C2CD3: variants seen among roughly 807,000 people sequenced by gnomAD.
C2CD3 encodes C2 domain-containing protein 3.
In C2CD3, 148 loss-of-function variants were observed where a neutral mutation model predicts 234.0. The observed-to-expected ratio is 0.63, with a 90% CI of 0.55 to 0.72. The LOEUF is 0.72. Ranked by LOEUF, C2CD3 falls within the 30% of genes least tolerant of loss-of-function variation. C2CD3 has a pLI of 0.00. For missense variants in C2CD3, 2,577 were observed against 2,811.5 expected (o/e 0.92, Z 1.89); for synonymous variants, 1,000 against 1,035.4 (o/e 0.97, Z 0.66).
Position 74,074,525 on chromosome 11 carries a change from G to C in C2CD3, c.4679C>G (p.Ser1560Cys), listed in dbSNP as rs756063516. The C allele has an allele frequency of 1.1e-5, 17 of 1,614,212 alleles. No individual in the cohort carries two copies. Among genetic ancestry groups the C allele is most frequent in the Admixed American group, 8.3e-5 (5 of 60,032 alleles). ...AGTGGGCTCAAGGTGTGAGGAAAGA[G>C]AGGAAAGAACCACATGAACTCGCAA... ...AALRVHVVLS[S>C]LSSHLEPTHE... is the part of the protein sequence containing the mutation. Residue 1560 changes from serine (S) to cysteine (C), a missense_variant, in exon 24 of 33, where the codon TCT (serine) becomes TGT (cysteine). Transcript: ENST00000334126.
At chr11:74,071,810 A>G (rs963973998) in intron 24 of C2CD3, among the ~76,000 whole-genome samples, 2 of 152,232 alleles carry the variant, frequency 1.3e-5, no homozygotes, top group Admixed American at 1.3e-4. Context: ...TAATTAATGT[A>G]CAAAGACTAG....
intron 32 of C2CD3, among the ~76,000 whole-genome samples, chr11:74,018,300 G>C (rs1035499287): frequency 1.3e-5 from 2 of 152,126 alleles, no homozygotes; most frequent in Admixed American, 6.5e-5. Flanking sequence ...CCTGGCAAAG[G>C]GTCAGGCCCC....
At chr11:74,122,162 C>T (rs1957239390) in intron 8 of C2CD3, among the ~76,000 whole-genome samples, 1 of 152,186 alleles carries the variant, frequency 6.6e-6, no homozygotes, top group Non-Finnish European at 1.5e-5. Context: ...TCCCTTGTAG[C>T]GCAAAAATGT....
Position 74,106,469 on chromosome 11 carries a change from G to A in C2CD3, c.1987C>T (p.Leu663Phe). The A allele has an allele frequency of 6.2e-7, 1 of 1,613,998 alleles. No individual in the cohort carries two copies. The highest frequency in any genetic ancestry group is 8.5e-7 in the Non-Finnish European group (1 of 1,179,892). Residue 663 changes from leucine to phenylalanine, a missense_variant, in exon 13 of 33, where the codon CTT becomes TTT. Leu to Phe is a conservative substitution (Grantham distance 22). Coordinates refer to ENST00000334126, the MANE Select transcript of C2CD3 (RefSeq NM_001286577.2). Reference protein sequence around the residue: ...KKPEVIGSVSLSLRAVIQSEL... With the variant: ...KKPEVIGSVSFSLRAVIQSEL... ...GATTGAATGACAGCTCGCAAAGAAAGTGACACAGATCCAATGACTTCTGGC... is the reference window on the plus strand; with the variant it reads ...GATTGAATGACAGCTCGCAAAGAAAATGACACAGATCCAATGACTTCTGGC...
chr11:74,113,649 C>T (rs1033630888), intron 11 of C2CD3, 131 bp downstream of exon 11: 4 of 687,028 alleles, frequency 5.8e-6, no homozygotes, highest in Admixed American at 4.3e-5. Flanking sequence ...CACCACACTC[C>T]AGCCTGGGCG....
chr11:74,088,560 C>G (rs1955756096), intron 20 of C2CD3, among the ~76,000 whole-genome samples: 1 of 152,202 alleles, frequency 6.6e-6, no homozygotes, highest in African/African-American at 2.4e-5. Context: ...GTCATCCAAT[C>G]TGACTTTCCT....
chr11:74,139,159 C>T (rs1196969403), intron 4 of C2CD3, among the ~76,000 whole-genome samples, 192 bp from the exon 5 acceptor site: 2 of 152,156 alleles, frequency 1.3e-5, no homozygotes, highest in East Asian at 3.8e-4. Flanking sequence ...AGATGCTTTA[C>T]CTACAGTGAG....
intron 25 of C2CD3, 150 bp from the exon 26 acceptor site, chr11:74,054,821 C>T: frequency 1.8e-6 from 1 of 544,846 alleles, no homozygotes; most frequent in Non-Finnish European, 3.2e-6. Context: ...TTTTTATCTT[C>T]ACAGTTAAAA....
chr11:74,034,723 A>G, intron 30 of C2CD3: 1 of 841,494 alleles, frequency 1.2e-6, no homozygotes, highest in Non-Finnish European at 2.0e-6. Flanking sequence ...CCCATATGAT[A>G]AGGCAGGGAA....
At position 74,032,735 on chromosome 11, in the gene C2CD3, C is replaced by T. The variant is rs78180358; in HGVS notation, c.6809+616G>A. Reference sequence around the variant, plus strand: ...AAAAAATTAGCTGGGTGTGATGCTGCATACCTGTAGTTCTAGCTACTTGCA... The same window carrying T: ...AAAAAATTAGCTGGGTGTGATGCTGTATACCTGTAGTTCTAGCTACTTGCA... On this transcript the variant is annotated intron_variant, in intron 31 of 32. Coordinates refer to ENST00000334126, the MANE Select transcript of C2CD3 (RefSeq NM_001286577.2). Among the ~76,000 whole-genome samples, 847 of 152,076 alleles carry T rather than the reference C, an allele frequency of 5.6e-3. 14 individuals are homozygous for T. The East Asian group carries it at 0.071, about 13-fold the overall frequency.
rs150433820 is a variant in C2CD3, at chr11:74,161,461, G to C, written c.421C>G (p.His141Asp). The C allele has an allele frequency of 3.1e-4, 491 of 1,598,712 alleles. No homozygotes were observed. Among genetic ancestry groups the C allele is most frequent in the Non-Finnish European group, 4.0e-4 (474 of 1,171,412 alleles). ...ATGGTAAAAAATCCATTGATTTGAT[G>C]GGTTGGAGAAAGTTGAGCTAGTCCA... is the stretch of plus-strand genomic sequence containing the variant. ...INGLAQLSPT[H>D]QINGFFTIVS... The change falls in exon 3 of 33, where the codon CAT becomes GAT. Residue 141 changes from histidine (H) to aspartate (D), a missense_variant. His to Asp is a moderately conservative substitution (Grantham distance 81). Transcript: ENST00000334126.
intron 15 of C2CD3, 72 bp from the exon 16 acceptor site, chr11:74,098,327 C>T: frequency 6.7e-7 from 1 of 1,485,236 alleles, no homozygotes; most frequent in Non-Finnish European, 9.1e-7. Flanking sequence ...TCTTTCTTGA[C>T]TCATTTTTTC....
chr11:74,115,954 C>T (rs1330453807), intron 9 of C2CD3, among the ~76,000 whole-genome samples: 4 of 152,186 alleles, frequency 2.6e-5, no homozygotes, highest in Non-Finnish European at 1.5e-5. Context: ...GTTCATCTCT[C>T]ACCTTATAAA....
chr11:74,016,317 G>A (rs1321467885), intron 32 of C2CD3, among the ~76,000 whole-genome samples: 1 of 152,202 alleles, frequency 6.6e-6, no homozygotes, highest in African/African-American at 2.4e-5. Context: ...TTCACAGGAG[G>A]TGGGCTCCAA....
intron 3 of C2CD3, among the ~76,000 whole-genome samples, chr11:74,154,509 A>G (rs1855882867): frequency 6.6e-6 from 1 of 152,220 alleles, no homozygotes; most frequent in Non-Finnish European, 1.5e-5. Flanking sequence ...CCCTAATGTT[A>G]AAAAGCTCTC....
chr11:74,031,851 T>C (rs1952532323), intron 31 of C2CD3, among the ~76,000 whole-genome samples: 2 of 152,214 alleles, frequency 1.3e-5, no homozygotes, highest in African/African-American at 2.4e-5. Context: ...GGATCCAGGA[T>C]GGGCAAGGCC....
intron 25 of C2CD3, among the ~76,000 whole-genome samples, chr11:74,056,840 T>TCCTAAATAATCTTTTTTTCTGAG (rs1201594414): frequency 2.0e-5 from 3 of 152,126 alleles, no homozygotes; most frequent in Non-Finnish European, 4.4e-5. Context: ...TTCTAGGTTG[T>TCCTAAATAATCTTTTTTTCTGAG]CCTAAATAAT....
At position 74,042,216 on chromosome 11, in the gene C2CD3, C is replaced by T; in HGVS notation, c.5498G>A (p.Ser1833Asn). 2 of 1,452,308 alleles carry T rather than the reference C, an allele frequency of 1.4e-6. No individual in the cohort carries two copies. Among genetic ancestry groups the T allele is most frequent in the South Asian group, 2.5e-5 (2 of 81,298 alleles). The allele number at this position is 1,452,308 out of a possible 1,614,324, so 90.0% of individuals were successfully genotyped here. Residue 1833 changes from serine to asparagine, a missense_variant and splice_region_variant, in exon 29 of 33, where the codon AGT becomes AAT. Coordinates refer to ENST00000334126, the MANE Select transcript of C2CD3 (RefSeq NM_001286577.2). ...TGATGCTTGGCTTCTTGTGGTATCA[C>T]TTCTGTCAAAAAAAAAAAAAAAAAA... ...KELDFSSPGR[S>N]DTTRSQASRH... is the part of the protein sequence containing the mutation.
At chr11:74,134,495 C>G (rs1298712672) in intron 5 of C2CD3, among the ~76,000 whole-genome samples, 2 of 152,048 alleles carry the variant, frequency 1.3e-5, no homozygotes, top group Non-Finnish European at 2.9e-5. Context: ...TCACAGTGTT[C>G]CAGCCTGGGC....
Sources: allele counts gnomAD v4.1 joint callset (sites outside exome capture counted in the v4.1 genomes callset), GRCh38; gene constraint gnomAD v4.1.1; transcripts MANE v1.5; gene names NCBI Gene and HGNC (gene_info 2026-07-23, HGNC 2026-07-21).